The following AHCYL2 variants were observed in gnomAD, a reference collection of about 807,000 sequenced individuals.
AHCYL2 encodes the protein adenosylhomocysteinase like 2.
In AHCYL2, 28 loss-of-function variants were observed where a neutral mutation model predicts 81.4. That is an observed-to-expected ratio of 0.34 (90% CI 0.25 to 0.47). AHCYL2 has a LOEUF of 0.47. Ranked by LOEUF, AHCYL2 falls within the 20% of genes least tolerant of loss-of-function variation. AHCYL2 has a pLI of 1.00. For synonymous variants in AHCYL2, 272 were observed against 290.2 expected (o/e 0.94, Z 0.64); for missense variants, 551 against 785.1 (o/e 0.70, Z 3.56).
At chr7:129,319,683 A>G (rs1327565133) in intron 1 of AHCYL2, among the ~76,000 whole-genome samples, 2 of 152,202 alleles carry the variant, frequency 1.3e-5, no homozygotes, top group African/African-American at 4.8e-5. Flanking sequence ...AACATACAAT[A>G]TGAACTCTTA....
chr7:129,299,306 C>T (rs1321797427), intron 1 of AHCYL2, among the ~76,000 whole-genome samples: 5 of 142,272 alleles, frequency 3.5e-5, no homozygotes, highest in Admixed American at 2.1e-4. Flanking sequence ...AAAAACTATC[C>T]GGGCATAGTG....
At chr7:129,296,945 CT>C (rs1319018295) in intron 1 of AHCYL2, among the ~76,000 whole-genome samples, 1 of 152,180 alleles carries the variant, frequency 6.6e-6, no homozygotes, top group African/African-American at 2.4e-5. Flanking sequence ...ACTAAATTGG[CT>C]CAGTTGGAGT....
Position 129,277,560 on chromosome 7 carries a change from G to A in AHCYL2, c.363+52121G>A, listed in dbSNP as rs1480676727. On this transcript the variant is annotated intron_variant, in intron 1 of 16. Coordinates refer to ENST00000325006, the MANE Select transcript of AHCYL2 (RefSeq NM_015328.4). ...CTCCCAAAGTGCTAGGATTACAGGC[G>A]TGAGCCACTGCGCCTGGCCTCTCCT... Among the ~76,000 whole-genome samples the A allele has an allele frequency of 2.6e-5, 4 of 152,104 alleles. No individual in the cohort carries two copies. The South Asian group carries it at 6.2e-4, about 24-fold the overall frequency.
intron 1 of AHCYL2, among the ~76,000 whole-genome samples, chr7:129,242,826 A>G (rs1044725240): frequency 3.9e-5 from 6 of 151,970 alleles, no homozygotes; most frequent in Non-Finnish European, 8.8e-5. Flanking sequence ...AATCCTTACT[A>G]ATATGTGGTG....
intron 1 of AHCYL2, among the ~76,000 whole-genome samples, chr7:129,347,483 T>C (rs1040402440): frequency 4.6e-5 from 7 of 152,166 alleles, no homozygotes; most frequent in Non-Finnish European, 7.4e-5. Context: ...AGCTGTGATA[T>C]GAAACTGCAT....
intron 1 of AHCYL2, among the ~76,000 whole-genome samples, chr7:129,231,778 G>A (rs143274737): frequency 1.6e-4 from 24 of 152,268 alleles, no homozygotes; most frequent in Admixed American, 6.5e-4. Flanking sequence ...GTGGATTGAC[G>A]TTTCTTCTGT....
chr7:129,392,566 A>G (rs1048495542), intron 4 of AHCYL2, among the ~76,000 whole-genome samples: 1 of 152,182 alleles, frequency 6.6e-6, no homozygotes, highest in Admixed American at 6.5e-5. Context: ...TTAGTTTTTA[A>G]CATATGACTC....
intron 6 of AHCYL2, among the ~76,000 whole-genome samples, chr7:129,401,091 A>G (rs1253306163): frequency 3.3e-5 from 5 of 152,196 alleles, no homozygotes; most frequent in Admixed American, 3.3e-4. Flanking sequence ...TGGGAGCCCA[A>G]GGCAGGTGGA....
intron 6 of AHCYL2, among the ~76,000 whole-genome samples, chr7:129,402,611 T>A (rs1482771529): frequency 1.3e-5 from 2 of 152,236 alleles, no homozygotes; most frequent in African/African-American, 2.4e-5. Context: ...TCTTTAGTTT[T>A]ATAATTCAAA....
At chr7:129,375,676 T>C in intron 1 of AHCYL2, 1 of 1,378,090 alleles carries the variant, frequency 7.3e-7, no homozygotes, top group Non-Finnish European at 9.3e-7. Flanking sequence ...AAATGCCTTA[T>C]TAAATTGGGG....
intron 1 of AHCYL2, among the ~76,000 whole-genome samples, chr7:129,256,962 A>G (rs1304669413): frequency 6.6e-6 from 1 of 152,144 alleles, no homozygotes; most frequent in Non-Finnish European, 1.5e-5. Flanking sequence ...TGTGCTGTTG[A>G]ATTGAAGAGG....
intron 1 of AHCYL2, among the ~76,000 whole-genome samples, chr7:129,290,171 G>A (rs1309836895): frequency 1.3e-5 from 2 of 152,166 alleles, no homozygotes; most frequent in Non-Finnish European, 2.9e-5. Context: ...TTCAATAAAT[G>A]TCAAATGAAT....
At chr7:129,281,566 G>A (rs1177993768) in intron 1 of AHCYL2, among the ~76,000 whole-genome samples, 4 of 142,966 alleles carry the variant, frequency 2.8e-5, no homozygotes, top group Non-Finnish European at 4.5e-5. Flanking sequence ...GCGTGATCTC[G>A]GCTCACTGCA....
intron 6 of AHCYL2, among the ~76,000 whole-genome samples, chr7:129,401,347 C>A (rs895098593): frequency 6.6e-6 from 1 of 150,824 alleles, no homozygotes; most frequent in Non-Finnish European, 1.5e-5. Flanking sequence ...GTGCCCCCCC[C>A]CAAAAAAGCT....
At chr7:129,278,844 C>T (rs1490631548) in intron 1 of AHCYL2, among the ~76,000 whole-genome samples, 2 of 142,414 alleles carry the variant, frequency 1.4e-5, no homozygotes, top group African/African-American at 5.3e-5. Context: ...CACTGAATTG[C>T]TCTTGCACCT....
At chr7:129,364,320 A>T (rs1794031572) in intron 1 of AHCYL2, among the ~76,000 whole-genome samples, 1 of 152,244 alleles carries the variant, frequency 6.6e-6, no homozygotes, top group South Asian at 2.1e-4. Flanking sequence ...TTTGAGACGG[A>T]GTCTCACTCT....
Position 129,429,206 on chromosome 7 carries a change from CT to C in AHCYL2, c.*2162del, listed in dbSNP as rs1797482404. On this transcript the variant is annotated 3_prime_UTR_variant, in exon 17 of 17. Coordinates refer to ENST00000325006, the MANE Select transcript of AHCYL2 (RefSeq NM_015328.4). ...CTTCTAAGTTAGGTTGCCAGTGTTG[CT>C]GCCCATGATGAGTTATTTGCCTCTG... is the stretch of plus-strand genomic sequence containing the variant. 6.6e-6 allele frequency: 1 copy of C among 152,218 alleles called. No homozygotes were observed. The highest frequency in any genetic ancestry group is 2.1e-4 in the South Asian group (1 of 4,832). 9.4% of individuals were successfully genotyped at this position (152,218 alleles called of 1,614,324 possible). A position where few individuals can be genotyped will look rare whatever the true frequency, so the allele number is the denominator to read the frequency against.
intron 1 of AHCYL2, chr7:129,375,741 T>G (rs1224066196): frequency 1.4e-6 from 2 of 1,478,290 alleles, no homozygotes; most frequent in African/African-American, 1.4e-5. Flanking sequence ...GGAAGAGTAG[T>G]CCCCCACTCC....
intron 1 of AHCYL2, among the ~76,000 whole-genome samples, chr7:129,290,834 G>A (rs1796824425): frequency 2.0e-5 from 3 of 151,504 alleles, no homozygotes; most frequent in Non-Finnish European, 4.4e-5. Flanking sequence ...GGAGGCTGAG[G>A]CAGGAGAATC....
Sources: allele counts gnomAD v4.1 joint callset (sites outside exome capture counted in the v4.1 genomes callset), GRCh38; gene constraint gnomAD v4.1.1; transcripts MANE v1.5; gene names NCBI Gene and HGNC (gene_info 2026-07-23, HGNC 2026-07-21).